NRG3: variants seen among roughly 807,000 people sequenced by gnomAD.
NRG3 encodes the protein pro-neuregulin-3, membrane-bound isoform.
Under a neutral mutation model 66.9 loss-of-function variants are expected in NRG3, and 31 were observed. That is an observed-to-expected ratio of 0.46 (90% CI 0.35 to 0.63). The LOEUF (loss-of-function observed/expected upper bound fraction) is 0.63. Among genes scored for constraint, NRG3 ranks in the 20% least tolerant of loss-of-function variants. The pLI, the probability that NRG3 is intolerant of heterozygous loss-of-function variation, is 0.00. For missense variants in NRG3, 910 were observed against 878.9 expected, an observed-to-expected ratio of 1.04 and a Z score of -0.45; for synonymous variants, 393 against 359.4, an observed-to-expected ratio of 1.09 and a Z score of -1.06.
chr10:82,979,535 A>G (rs1852631606), intron 8 of NRG3, among the ~76,000 whole-genome samples: 1 of 152,198 alleles, frequency 6.6e-6, no homozygotes, highest in Non-Finnish European at 1.5e-5. Flanking sequence ...GCATACGTAC[A>G]GTATCTGCTT....
chr10:82,080,564 C>T lies in NRG3; in HGVS notation c.823+204401C>T, dbSNP rs79299782. Among the ~76,000 whole-genome samples the T allele has an allele frequency of 9.0e-3, 1,376 of 152,192 alleles. 37 individuals carry two copies. The East Asian group carries it at 0.099, about 11-fold the overall frequency. On this transcript the variant is annotated intron_variant, in intron 1 of 8. Coordinates refer to ENST00000372141, the MANE Select transcript of NRG3 (RefSeq NM_001010848.4). The stretch of plus-strand genomic sequence containing the variant: ...ACATGCTCCTACAGCCTGGTGATCC[C>T]TGTCCCATCTCTTGCCAAATGTTTT...
intron 1 of NRG3, among the ~76,000 whole-genome samples, chr10:81,957,254 T>G (rs1849925383): frequency 6.6e-6 from 1 of 152,150 alleles, no homozygotes; most frequent in Admixed American, 6.5e-5. Flanking sequence ...TGAATAAAAC[T>G]TAGGGTGTTG....
chr10:82,182,673 G>C (rs961897743), intron 1 of NRG3, among the ~76,000 whole-genome samples: 1 of 151,722 alleles, frequency 6.6e-6, no homozygotes, highest in East Asian at 1.9e-4. Context: ...TATGCACCAT[G>C]CTTACAGTAT....
At chr10:82,874,106 G>A (rs181725569) in intron 4 of NRG3, among the ~76,000 whole-genome samples, 2 of 152,012 alleles carry the variant, frequency 1.3e-5, no homozygotes, top group Admixed American at 1.3e-4. Context: ...AGAATTGATA[G>A]AATATTACTT....
intron 1 of NRG3, among the ~76,000 whole-genome samples, chr10:82,220,153 A>G (rs1432924477): frequency 1.3e-5 from 2 of 151,092 alleles, no homozygotes; most frequent in African/African-American, 2.4e-5. Context: ...GGAAGATATT[A>G]TGATTCTTCA....
chr10:82,985,251 A>G lies in NRG3; in HGVS notation c.1737A>G (p.Ser579=), dbSNP rs541644821. The G allele has an allele frequency of 6.2e-7, 1 of 1,614,162 alleles. No homozygotes were observed. The highest frequency in any genetic ancestry group is 8.5e-7 in the Non-Finnish European group (1 of 1,180,002). The part of the protein sequence containing the change: ...TRASSVPIIP[S]VGLEETCLQM... ...CCAGTTCTGTGCCCATCATCCCTTC[A>G]GTGGGTTTAGAGGAAACCTGCCTGC... Residue 579 remains serine (S), a synonymous_variant, in exon 9 of 9, where the codon TCA becomes TCG. Transcript: ENST00000372141.
At position 82,798,211 on chromosome 10, in the gene NRG3, G is replaced by T. The variant is rs374746926; in HGVS notation, c.1027+59561G>T. On this transcript the variant is annotated intron_variant, in intron 3 of 8. Transcript: ENST00000372141. ...GGGGCTGACCAAATATACACAGTAAGTTATAGTATTGGGTAAATGAAACAA... is the reference window on the plus strand; with the variant it reads ...GGGGCTGACCAAATATACACAGTAATTTATAGTATTGGGTAAATGAAACAA... Among the ~76,000 whole-genome samples the T allele has an allele frequency of 1.1e-4, 17 of 152,198 alleles. No individual in the cohort carries two copies. The East Asian group carries it at 1.4e-3, about 12-fold the overall frequency.
intron 1 of NRG3, among the ~76,000 whole-genome samples, chr10:81,955,907 T>C (rs1849788530): frequency 6.6e-6 from 1 of 152,210 alleles, no homozygotes; most frequent in Non-Finnish European, 1.5e-5. Context: ...GTAAGCTTTT[T>C]ATATCCAGAA....
intron 2 of NRG3, among the ~76,000 whole-genome samples, chr10:82,471,957 A>G (rs528623690): frequency 1.3e-5 from 2 of 152,130 alleles, no homozygotes; most frequent in Non-Finnish European, 2.9e-5. Flanking sequence ...TGATTCATTC[A>G]GCAAATAACC....
chr10:81,887,150 A>G (rs1359101132), intron 1 of NRG3, among the ~76,000 whole-genome samples: 3 of 152,152 alleles, frequency 2.0e-5, no homozygotes, highest in Non-Finnish European at 2.9e-5. Flanking sequence ...TGGTGGTGTC[A>G]GCATTAAAAT....
chr10:82,054,262 T>C (rs2063731738), intron 1 of NRG3, among the ~76,000 whole-genome samples: 2 of 152,198 alleles, frequency 1.3e-5, no homozygotes, highest in Admixed American at 6.5e-5. Context: ...TTTTCAATAA[T>C]TGAGGTGAGA....
At chr10:82,750,661 G>A (rs2058827974) in intron 3 of NRG3, among the ~76,000 whole-genome samples, 1 of 151,940 alleles carries the variant, frequency 6.6e-6, no homozygotes, top group Non-Finnish European at 1.5e-5. Context: ...TATGGTTGAG[G>A]CAACAGACAT....
intron 2 of NRG3, among the ~76,000 whole-genome samples, chr10:82,649,899 C>A (rs978063324): frequency 6.6e-6 from 1 of 151,978 alleles, no homozygotes; most frequent in Non-Finnish European, 1.5e-5. Flanking sequence ...AGTGGAAGTT[C>A]TTTTTTTAAA....
chr10:82,408,824 G>A (rs1352342850), intron 2 of NRG3, among the ~76,000 whole-genome samples: 1 of 151,738 alleles, frequency 6.6e-6, no homozygotes, highest in African/African-American at 2.4e-5. Context: ...TTCCAAGGAG[G>A]AATACATTAT....
chr10:82,547,499 GTATA>G (rs57180546), intron 2 of NRG3, among the ~76,000 whole-genome samples: 1 of 148,976 alleles, frequency 6.7e-6, no homozygotes, highest in East Asian at 2.0e-4. Flanking sequence ...ATACATATGT[GTATA>G]TATATATTCC....
In NRG3 at chr10:82,584,146, G is replaced by C. The variant is rs534205574; in HGVS notation, c.954-154431G>C. On this transcript the variant is annotated intron_variant, in intron 2 of 8. Transcript: ENST00000372141. The stretch of plus-strand genomic sequence containing the variant: ...CTGTTGCCCAGGCTGGAGCGCAGTG[G>C]TGTGATCTCAGCTCACTGCAACCTC... Among the ~76,000 whole-genome samples, 109 of 152,264 alleles carry C rather than the reference G, an allele frequency of 7.2e-4. 1 individual carries two copies. Among genetic ancestry groups the C allele is most frequent in the African/African-American group, 2.5e-3 (103 of 41,542 alleles).
chr10:82,409,232 T>A lies in NRG3; in HGVS notation c.953+50364T>A, dbSNP rs192074423. On this transcript the variant is annotated intron_variant, in intron 2 of 8. Transcript: ENST00000372141. ...CTGAATTAGATAAGTCATTTTTATT[T>A]GTACAGAAGAACACTTCATTAATAT... is the stretch of plus-strand genomic sequence containing the variant. Among the ~76,000 whole-genome samples, 439 of 152,312 alleles carry A rather than the reference T, an allele frequency of 2.9e-3. 5 individuals carry two copies. Among genetic ancestry groups the A allele is most frequent in the African/African-American group, 6.8e-3 (282 of 41,572 alleles).
chr10:82,487,352 A>G (rs1262882941), intron 2 of NRG3, among the ~76,000 whole-genome samples: 1 of 152,088 alleles, frequency 6.6e-6, no homozygotes, highest in African/African-American at 2.4e-5. Flanking sequence ...ATTTATGTCT[A>G]CATTGGGAGG....
At chr10:82,927,734 A>G (rs989695398) in intron 4 of NRG3, among the ~76,000 whole-genome samples, 1 of 152,194 alleles carries the variant, frequency 6.6e-6, no homozygotes, top group Non-Finnish European at 1.5e-5. Flanking sequence ...TTCTTTATGC[A>G]GTCTATCATT....
Sources: gnomAD v4.1 joint callset for allele counts (sites outside exome capture counted in the v4.1 genomes callset) on GRCh38, gnomAD v4.1.1 for gene constraint, MANE v1.5 for transcripts, NCBI Gene and HGNC (gene_info 2026-07-23, HGNC 2026-07-21) for gene names.